The following ACOXL variants were observed in gnomAD, a reference collection of about 807,000 sequenced individuals.
ACOXL encodes acyl-CoA oxidase like.
In ACOXL, 70 loss-of-function variants were observed where a neutral mutation model predicts 71.9. The observed-to-expected ratio is 0.97, with a 90% CI of 0.80 to 1.19. The LOEUF is 1.19. Among genes scored for constraint, ACOXL ranks in the 50% most tolerant of loss-of-function variants. The probability of loss-of-function intolerance (pLI) is 0.00; values close to 1 mark genes in which losing one functional copy is unlikely to be tolerated. For synonymous variants in ACOXL, 253 were observed against 281.6 expected (o/e 0.90, Z 1.02); for missense variants, 703 against 736.3 (o/e 0.95, Z 0.52).
chr2:111,060,701 A>AT (rs1468283820), intron 16 of ACOXL, among the ~76,000 whole-genome samples: 2 of 152,246 alleles, frequency 1.3e-5, no homozygotes, highest in East Asian at 3.8e-4. Context: ...TGATGCTAAA[A>AT]TTATCTGGAA....
At chr2:110,754,429 A>G (rs1256739325) in intron 1 of ACOXL, among the ~76,000 whole-genome samples, 2 of 152,152 alleles carry the variant, frequency 1.3e-5, no homozygotes, top group Non-Finnish European at 2.9e-5. Context: ...CACCATGATG[A>G]GGGCACACAA....
intron 16 of ACOXL, among the ~76,000 whole-genome samples, chr2:111,084,591 G>A (rs182040791): frequency 1.3e-5 from 2 of 152,198 alleles, no homozygotes; most frequent in Non-Finnish European, 2.9e-5. Flanking sequence ...AATTGGAAAG[G>A]ACTTATGATT....
chr2:110,925,157 T>C (rs2060223713), intron 11 of ACOXL, among the ~76,000 whole-genome samples: 1 of 152,210 alleles, frequency 6.6e-6, no homozygotes, highest in African/African-American at 2.4e-5. Context: ...GTGCTGTTGT[T>C]TCATTTCTAG....
At chr2:110,822,987 T>A (rs985116091) in intron 9 of ACOXL, among the ~76,000 whole-genome samples, 1 of 152,148 alleles carries the variant, frequency 6.6e-6, no homozygotes, top group East Asian at 1.9e-4. Flanking sequence ...GTGCAGTGGC[T>A]CACACCTGTA....
chr2:110,867,342 A>G (rs1694733982), intron 10 of ACOXL, among the ~76,000 whole-genome samples: 1 of 152,118 alleles, frequency 6.6e-6, no homozygotes, highest in Non-Finnish European at 1.5e-5. Flanking sequence ...GCTGGAGACA[A>G]GAGGTTGAGG....
chr2:110,944,906 G>A lies in ACOXL; in HGVS notation c.1059+11264G>A, dbSNP rs918902669. On this transcript the variant is annotated intron_variant, in intron 12 of 17. Coordinates refer to ENST00000439055, the MANE Select transcript of ACOXL (RefSeq NM_001142807.4). ...TGAATGGTAATTCTGTTTTAAGTTC[G>A]TTGATAAATTACCAAACTGCTTTTC... Among the ~76,000 whole-genome samples the A allele has an allele frequency of 3.3e-5, 5 of 152,094 alleles. No individual in the cohort carries two copies. In the South Asian group the frequency reaches 6.2e-4, roughly 19 times the overall value.
Position 110,805,120 on chromosome 2 carries a change from A to T in ACOXL, c.621-143A>T, listed in dbSNP as rs1485877131. 3.7e-6 allele frequency: 4 copies of T among 1,087,766 alleles called. No individual in the cohort carries two copies. The Admixed American group carries it at 8.7e-5, about 24-fold the overall frequency. 67.4% of individuals were successfully genotyped at this position (1,087,766 alleles called of 1,614,324 possible). A position where few individuals can be genotyped will look rare whatever the true frequency, so the allele number is the denominator to read the frequency against. ...TTGGAGAGGGACTCCCCCTGCCCTT[A>T]TCGGCGCTCTGTCTCAAGGGGGAAG... On this transcript the variant is annotated intron_variant, in intron 8 of 17. Coordinates refer to ENST00000439055, the MANE Select transcript of ACOXL (RefSeq NM_001142807.4).
At chr2:110,795,798 T>A in intron 5 of ACOXL, 1 of 152,198 alleles carries the variant, frequency 6.6e-6, no homozygotes, top group Non-Finnish European at 1.5e-5. Context: ...CTGTCGTTGA[T>A]GGGGGGAAAA....
Position 110,963,533 on chromosome 2 carries a change from G to C in ACOXL, c.1060-23575G>C. On this transcript the variant is annotated intron_variant, in intron 12 of 17. Transcript: ENST00000439055. ...TTTTTTAATTTTAAAGAAAATGTGA[G>C]TCCTATGTAGTGATGGGATCGCAAA... 2 of 1,444,714 alleles carry C rather than the reference G, an allele frequency of 1.4e-6. 1 individual carries two copies. Among genetic ancestry groups the C allele is most frequent in the South Asian group, 3.3e-5 (2 of 61,380 alleles). The allele number at this position is 1,444,714 out of a possible 1,614,324, so 89.5% of individuals were successfully genotyped here.
Position 111,117,771 on chromosome 2 carries a change from G to T in ACOXL, c.1698G>T (p.Arg566=), listed in dbSNP as rs1256198016. ...CTGCACCGCTGCAGCCGCGGCCACG[G>T]GAAGAGGCGCGCTCCCGGCGGCCCA... ...FYPAPLQPRP[R]EEARSRRPKL... Residue 566 remains arginine (R), a synonymous_variant, in exon 18 of 18, where the codon CGG becomes CGT. Transcript: ENST00000439055. 7 of 1,551,118 alleles carry T rather than the reference G, an allele frequency of 4.5e-6. No individual in the cohort carries two copies. In the African/African-American group the frequency reaches 9.6e-5, roughly 21 times the overall value.
In ACOXL at chr2:111,074,760, A is replaced by C. The variant is rs568810809; in HGVS notation, c.1441-18105A>C. Among the ~76,000 whole-genome samples the C allele has an allele frequency of 3.3e-5, 5 of 151,910 alleles. No individual in the cohort carries two copies. In the South Asian group the frequency reaches 8.3e-4, roughly 25 times the overall value. ...TGGGTGTGTGCCACCATGCTTAGCT[A>C]ATTTCTATATTTTTTTTAGAGACAG... On this transcript the variant is annotated intron_variant, in intron 16 of 17. Coordinates refer to ENST00000439055, the MANE Select transcript of ACOXL (RefSeq NM_001142807.4).
intron 12 of ACOXL, among the ~76,000 whole-genome samples, chr2:110,966,966 T>A (rs2061959769): frequency 6.6e-6 from 1 of 152,210 alleles, no homozygotes; most frequent in South Asian, 2.1e-4. Context: ...TGTCATCTCA[T>A]AATATCATAT....
In ACOXL at chr2:110,802,216, T is replaced by TC. The variant is rs150879486; in HGVS notation, c.620+500dup. Among the ~76,000 whole-genome samples, 1,042 of 151,484 alleles carry TC rather than the reference T, an allele frequency of 6.9e-3. 12 individuals are homozygous for TC. Among genetic ancestry groups the TC allele is most frequent in the Middle Eastern group, 0.031 (9 of 294 alleles). ...TGTTGGGCATTTAGTTTTTTTTCCT[T>TC]CCCCCCCCTGCCATTACAAACAGAT... On this transcript the variant is annotated intron_variant, in intron 8 of 17. Coordinates refer to ENST00000439055, the MANE Select transcript of ACOXL (RefSeq NM_001142807.4).
At chr2:111,108,637 A>T (rs1177792477) in intron 17 of ACOXL, among the ~76,000 whole-genome samples, 1 of 152,192 alleles carries the variant, frequency 6.6e-6, no homozygotes, top group African/African-American at 2.4e-5. Flanking sequence ...TTGGCCTTCC[A>T]AAGTGCTGGG....
intron 17 of ACOXL, among the ~76,000 whole-genome samples, chr2:111,105,980 C>T (rs1231246229): frequency 6.6e-6 from 1 of 151,998 alleles, no homozygotes; most frequent in African/African-American, 2.4e-5. Flanking sequence ...TATGATGTGC[C>T]TTTGAATAAA....
intron 15 of ACOXL, among the ~76,000 whole-genome samples, chr2:111,043,100 T>G (rs957252700): frequency 6.6e-6 from 1 of 152,148 alleles, no homozygotes; most frequent in East Asian, 1.9e-4. Context: ...GGCTTTCAGT[T>G]GTGGGGCCAG....
In ACOXL at chr2:111,042,328, C is replaced by A. The variant is rs546539416; in HGVS notation, c.1370-6890C>A. Among the ~76,000 whole-genome samples, 309 of 152,350 alleles carry A rather than the reference C, an allele frequency of 2.0e-3. 1 individual carries two copies. Among genetic ancestry groups the A allele is most frequent in the Non-Finnish European group, 3.2e-3 (217 of 68,038 alleles). Reference sequence around the variant, plus strand: ...TCAGAACAATGTGACGCTTTTCAATCCAGCAGAGGGAATAGGATGTGAACA... The same window carrying A: ...TCAGAACAATGTGACGCTTTTCAATACAGCAGAGGGAATAGGATGTGAACA... On this transcript the variant is annotated intron_variant, in intron 15 of 17. Transcript: ENST00000439055.
intron 15 of ACOXL, among the ~76,000 whole-genome samples, chr2:111,042,639 A>G (rs2065838175): frequency 2.0e-5 from 3 of 152,186 alleles, no homozygotes; most frequent in African/African-American, 7.2e-5. Context: ...TGAGAGAATG[A>G]GCCTGGAAAA....
intron 7 of ACOXL, 111 bp downstream of exon 7, chr2:110,799,211 A>G: frequency 9.7e-7 from 1 of 1,034,658 alleles, no homozygotes; most frequent in South Asian, 1.3e-5. Context: ...GGTGGAGAAA[A>G]CTTCCCCAGA....
Sources: gnomAD v4.1 joint callset for allele counts (sites outside exome capture counted in the v4.1 genomes callset) on GRCh38, gnomAD v4.1.1 for gene constraint, MANE v1.5 for transcripts, NCBI Gene and HGNC (gene_info 2026-07-23, HGNC 2026-07-21) for gene names.